Variants in PEX14 observed in about 807,000 individuals in gnomAD.
PEX14 encodes peroxisomal membrane protein PEX14.
Under a neutral mutation model 49.5 loss-of-function variants are expected in PEX14, and 15 were observed. That is an observed-to-expected ratio of 0.30 (90% CI 0.20 to 0.47). The LOEUF is 0.47. Among genes scored for constraint, PEX14 ranks in the 20% least tolerant of loss-of-function variants. The probability of loss-of-function intolerance (pLI) is 1.00; values close to 1 mark genes in which losing one functional copy is unlikely to be tolerated. For missense variants in PEX14, 398 were observed against 494.8 expected (o/e 0.80, Z 1.86); for synonymous variants, 210 against 212.7 (o/e 0.99, Z 0.11).
chr1:10,483,356 C>G (rs1253184558), intron 1 of PEX14, among the ~76,000 whole-genome samples: 1 of 151,980 alleles, frequency 6.6e-6, no homozygotes, highest in Non-Finnish European at 1.5e-5. Flanking sequence ...CTTGCTCTGT[C>G]TCCAGGGTGG....
chr1:10,603,902 A>C (rs974957463), intron 4 of PEX14, among the ~76,000 whole-genome samples: 55 of 152,252 alleles, frequency 3.6e-4, no homozygotes, highest in Non-Finnish European at 7.3e-5. Flanking sequence ...GGATGTCAGC[A>C]TCTGAGGCCG....
chr1:10,554,303 C>CAAAA (rs61712771), intron 3 of PEX14, among the ~76,000 whole-genome samples: 11 of 121,834 alleles, frequency 9.0e-5, no homozygotes, highest in South Asian at 2.9e-4. Flanking sequence ...GACTCCGTCT[C>CAAAA]AAAAAAAAAA....
In PEX14 at chr1:10,613,298, A is replaced by G. The variant is rs1641323253; in HGVS notation, c.299-5034A>G. Among the ~76,000 whole-genome samples, 1 of 152,210 alleles carries G rather than the reference A, an allele frequency of 6.6e-6. No homozygotes were observed. Among genetic ancestry groups the G allele is most frequent in the Non-Finnish European group, 1.5e-5 (1 of 68,034 alleles). ...TTGGTTTTGTTGGTGTTCAGTGAATAGTTAGGAGCTGTGGGGATGCACCTC... is the reference window on the plus strand; with the variant it reads ...TTGGTTTTGTTGGTGTTCAGTGAATGGTTAGGAGCTGTGGGGATGCACCTC... On this transcript the variant is annotated intron_variant, in intron 4 of 8. Transcript: ENST00000356607. The surrounding 1 kb of genome is among the most constrained non-coding windows in gnomAD (Gnocchi z 5.0).
chr1:10,516,249 G>GA (rs1641967871), intron 2 of PEX14, among the ~76,000 whole-genome samples: 1 of 152,144 alleles, frequency 6.6e-6, no homozygotes, highest in African/African-American at 2.4e-5. Flanking sequence ...TTGTTCCCTA[G>GA]CCCTGTTTTA....
At chr1:10,528,699 G>A (rs1638560588) in intron 2 of PEX14, among the ~76,000 whole-genome samples, 1 of 152,254 alleles carries the variant, frequency 6.6e-6, no homozygotes, top group Non-Finnish European at 1.5e-5. Flanking sequence ...GATACTGGAA[G>A]AAGGAGCAGT....
chr1:10,541,649 A>G (rs548010382), intron 3 of PEX14, among the ~76,000 whole-genome samples: 16 of 152,332 alleles, frequency 1.1e-4, no homozygotes, highest in African/African-American at 2.9e-4. Flanking sequence ...TTGCACCTGC[A>G]TATTCGTCAC....
intron 2 of PEX14, among the ~76,000 whole-genome samples, chr1:10,520,133 C>T (rs1019866812): frequency 1.0e-4 from 13 of 127,644 alleles, no homozygotes; most frequent in African/African-American, 3.0e-4. Flanking sequence ...AGCTGTTGTG[C>T]CTGGCCTTCT....
intron 4 of PEX14, among the ~76,000 whole-genome samples, chr1:10,615,547 G>A (rs1318791467): frequency 2.0e-5 from 3 of 152,244 alleles, no homozygotes; most frequent in Non-Finnish European, 4.4e-5. Flanking sequence ...GCATTGCGCA[G>A]CGGCTCAGGG....
At chr1:10,485,384 A>C (rs56656969) in intron 1 of PEX14, among the ~76,000 whole-genome samples, 3,700 of 145,592 alleles carry the variant, frequency 0.025, 186 homozygotes, top group African/African-American at 0.07. Context: ...GCAATCATAC[A>C]TAGCTCACTG....
Position 10,627,289 on chromosome 1 carries a change from C to A in PEX14, c.603C>A (p.Asn201Lys), listed in dbSNP as rs1329883739. The A allele has an allele frequency of 6.2e-7, 1 of 1,613,444 alleles. No individual in the cohort carries two copies. The highest frequency in any genetic ancestry group is 1.3e-5 in the African/African-American group (1 of 75,054). ...GCTTTCAGGCCACCACATCCACCAA[C>A]TGGATCCTGGAGTCCCAGAATATCA... ...LAAAKATTST[N>K]WILESQNINE... The change falls in exon 8 of 9, where the codon AAC becomes AAA. Residue 201 changes from asparagine to lysine, a missense_variant. By Grantham distance (94) the Asn-to-Lys change is moderately conservative (BLOSUM62 0). Coordinates refer to ENST00000356607, the MANE Select transcript of PEX14 (RefSeq NM_004565.3).
At chr1:10,618,502 G>A (rs919204927) in intron 5 of PEX14, 85 bp downstream of exon 5, 4 of 1,035,432 alleles carry the variant, frequency 3.9e-6, no homozygotes, top group African/African-American at 3.1e-5. Context: ...CCTGCATGGA[G>A]GCACTGCCGT....
chr1:10,502,796 CTTTTTTT>C (rs34497048), intron 2 of PEX14, among the ~76,000 whole-genome samples: 35 of 132,962 alleles, frequency 2.6e-4, no homozygotes, highest in Middle Eastern at 3.8e-3. Flanking sequence ...TTTTCTTTTT[CTTTTTTT>C]TTTTTTTTTT....
At chr1:10,475,488 G>A (rs1405841328) in intron 1 of PEX14, among the ~76,000 whole-genome samples, 1 of 152,218 alleles carries the variant, frequency 6.6e-6, no homozygotes, top group African/African-American at 2.4e-5. Context: ...CTCTCGTCAA[G>A]TTGGATAGTC....
intron 3 of PEX14, among the ~76,000 whole-genome samples, chr1:10,571,020 T>G (rs891549252): frequency 2.1e-5 from 3 of 144,092 alleles, no homozygotes; most frequent in African/African-American, 7.7e-5. Flanking sequence ...GGCTAGTTTT[T>G]TTTTTTTTTT....
chr1:10,485,225 G>A (rs1293624547), intron 1 of PEX14, among the ~76,000 whole-genome samples: 2 of 149,968 alleles, frequency 1.3e-5, no homozygotes, highest in Middle Eastern at 6.8e-3. Flanking sequence ...GTTTAGCTTT[G>A]TAAGAAACTG....
intron 3 of PEX14, among the ~76,000 whole-genome samples, chr1:10,592,954 T>G (rs1640714595): frequency 6.6e-6 from 1 of 152,210 alleles, no homozygotes. Flanking sequence ...TTTACATCCC[T>G]CTTTGCCTCT....
At chr1:10,488,704 C>T (rs577589653) in intron 1 of PEX14, among the ~76,000 whole-genome samples, 5 of 149,546 alleles carry the variant, frequency 3.3e-5, no homozygotes, top group Admixed American at 6.7e-5. Context: ...GGGGTTTCAC[C>T]GTGTTAGCCA....
At chr1:10,500,417 A>G (rs1641656253) in intron 2 of PEX14, among the ~76,000 whole-genome samples, 1 of 149,774 alleles carries the variant, frequency 6.7e-6, no homozygotes, top group African/African-American at 2.5e-5. Context: ...AGAAAAGAAT[A>G]GCTACAGCCG....
At chr1:10,475,031 C>A (rs771235739) in intron 1 of PEX14, 29 bp downstream of exon 1, 1 of 1,596,320 alleles carries the variant, frequency 6.3e-7, no homozygotes, top group Non-Finnish European at 8.5e-7. Flanking sequence ...CCCCGCTGTG[C>A]GGCGGAGACC....
Sources: allele counts gnomAD v4.1 joint callset (sites outside exome capture counted in the v4.1 genomes callset), GRCh38; gene constraint gnomAD v4.1.1; non-coding constraint Gnocchi (gnomAD v3.1); transcripts MANE v1.5; gene names NCBI Gene and HGNC (gene_info 2026-07-23, HGNC 2026-07-21).